The following KIAA0319 variants were observed in gnomAD, a reference collection of about 807,000 sequenced individuals.
KIAA0319 encodes dyslexia-associated protein KIAA0319.
A neutral mutation model predicts 108.4 loss-of-function variants in KIAA0319; 83 were observed. That is an observed-to-expected ratio of 0.77 (90% confidence interval 0.64 to 0.92). The LOEUF (loss-of-function observed/expected upper bound fraction) is 0.92. KIAA0319 is among the 40% of genes least tolerant of loss of function. KIAA0319 has a pLI of 0.00. For missense variants in KIAA0319, 1,195 were observed against 1,322.4 expected (o/e 0.90, Z 1.49); for synonymous variants, 484 against 510.4 (o/e 0.95, Z 0.70).
At chr6:24,639,370 T>C (rs184999659) in intron 1 of KIAA0319, among the ~76,000 whole-genome samples, 17 of 152,132 alleles carry the variant, frequency 1.1e-4, no homozygotes, top group Non-Finnish European at 1.9e-4. Context: ...GGAAATAAAA[T>C]CTAGAAAGTA....
At chr6:24,605,877 T>C (rs1771328472) in intron 1 of KIAA0319, among the ~76,000 whole-genome samples, 1 of 152,228 alleles carries the variant, frequency 6.6e-6, no homozygotes, top group Non-Finnish European at 1.5e-5. Context: ...GACAGTTATT[T>C]TAACATGGTC....
intron 10 of KIAA0319, among the ~76,000 whole-genome samples, chr6:24,575,065 C>T (rs1391446203): frequency 6.6e-6 from 1 of 152,264 alleles, no homozygotes; most frequent in African/African-American, 2.4e-5. Flanking sequence ...CCTCAGCAGG[C>T]TGCTTGGTAC....
At position 24,568,790 on chromosome 6, in the gene KIAA0319, C is replaced by G; in HGVS notation, c.2131G>C (p.Val711Leu). 6.2e-7 allele frequency: 1 copy of G among 1,613,982 alleles called. No homozygotes were observed. The highest frequency in any genetic ancestry group is 8.5e-7 in the Non-Finnish European group (1 of 1,179,964). Residue 711 changes from valine (V) to leucine (L), a missense_variant, in exon 13 of 21, where the codon GTG becomes CTG. Transcript: ENST00000378214. ...LSSTSTLTVA[V>L]KKENNSPPRA... Reference sequence around the variant, plus strand: ...CCTCAGACCCACTCACCCTTCTTCACAGCCACAGTGAGGGTGGACGTGCTG... The same window carrying G: ...CCTCAGACCCACTCACCCTTCTTCAGAGCCACAGTGAGGGTGGACGTGCTG...
At chr6:24,547,975 G>A (rs915313641) in intron 20 of KIAA0319, among the ~76,000 whole-genome samples, 2 of 152,112 alleles carry the variant, frequency 1.3e-5, no homozygotes, top group Non-Finnish European at 2.9e-5. Flanking sequence ...CGAGGGTACA[G>A]TGAACTATGA....
intron 20 of KIAA0319, among the ~76,000 whole-genome samples, chr6:24,547,864 T>C (rs892728204): frequency 5.3e-5 from 8 of 152,184 alleles, no homozygotes; most frequent in African/African-American, 1.4e-4. Context: ...GGTGTCTAGC[T>C]AGGGGTTTAA....
rs1766589602 is a variant in KIAA0319, at chr6:24,581,801, A to G, written c.1191+448T>C. Among the ~76,000 whole-genome samples the G allele has an allele frequency of 2.0e-5, 3 of 152,340 alleles. No homozygotes were observed. The South Asian group carries it at 6.2e-4, about 32-fold the overall frequency. The stretch of plus-strand genomic sequence containing the variant: ...CTTAACCATCTGCCTGCCTACTTGC[A>G]TGCCTGAAACTTTATTCATTCATAT... On this transcript the variant is annotated intron_variant, in intron 6 of 20. Coordinates refer to ENST00000378214, the MANE Select transcript of KIAA0319 (RefSeq NM_014809.4).
chr6:24,581,995 A>C lies in KIAA0319; in HGVS notation c.1191+254T>G, dbSNP rs538001187. On this transcript the variant is annotated intron_variant, in intron 6 of 20. Coordinates refer to ENST00000378214, the MANE Select transcript of KIAA0319 (RefSeq NM_014809.4). ...CCCACCTCTACAAAAAATACAAAAA[A>C]ATTAGCCGGGTGTGGTGACGTGCAC... Among the ~76,000 whole-genome samples the C allele has an allele frequency of 2.0e-5, 3 of 152,242 alleles. No homozygotes were observed. The East Asian group carries it at 5.8e-4, about 29-fold the overall frequency.
rs146208237 is a variant in KIAA0319, at chr6:24,607,887, A to G, written c.-105-6679T>C. Among the ~76,000 whole-genome samples, 123 of 152,352 alleles carry G rather than the reference A, an allele frequency of 8.1e-4. 1 individual carries two copies. The highest frequency in any genetic ancestry group is 2.2e-3 in the African/African-American group (93 of 41,582). On this transcript the variant is annotated intron_variant, in intron 1 of 20. Transcript: ENST00000378214. ...TTCAAAATTGCTGCTCTCCATGCCA[A>G]ATAACTTTGCAGTCCCCAACTGTGA...
intron 1 of KIAA0319, among the ~76,000 whole-genome samples, chr6:24,640,922 G>A (rs186743009): frequency 4.2e-4 from 64 of 152,138 alleles, no homozygotes; most frequent in African/African-American, 1.3e-3. Flanking sequence ...CCAAACCGCC[G>A]CAATTACAGG....
At position 24,644,795 on chromosome 6, in the gene KIAA0319, G is replaced by A. The variant is rs895455182; in HGVS notation, c.-106+941C>T. Among the ~76,000 whole-genome samples, 4 of 152,056 alleles carry A rather than the reference G, an allele frequency of 2.6e-5. No individual in the cohort carries two copies. In the South Asian group the frequency reaches 8.3e-4, roughly 31 times the overall value. ...TACAAATGCAAATGCATTACAAATG[G>A]TTAATACAAATAAATCAGAGTACTT... On this transcript the variant is annotated intron_variant, in intron 1 of 20. Coordinates refer to ENST00000378214, the MANE Select transcript of KIAA0319 (RefSeq NM_014809.4).
intron 2 of KIAA0319, chr6:24,598,077 C>T: frequency 2.4e-6 from 1 of 409,184 alleles, no homozygotes; most frequent in South Asian, 2.3e-5. Flanking sequence ...CCTTCAGCAG[C>T]CACTCCTACA....
Position 24,599,833 on chromosome 6 carries a change from C to T in KIAA0319, c.55+1216G>A. The T allele has an allele frequency of 2.2e-6, 1 of 447,078 alleles. No individual in the cohort carries two copies. Among genetic ancestry groups the T allele is most frequent in the South Asian group, 1.9e-5 (1 of 51,842 alleles). The allele number at this position is 447,078 out of a possible 1,614,324, so 27.7% of individuals were successfully genotyped here. A position where few individuals can be genotyped will look rare whatever the true frequency, so the allele number is the denominator to read the frequency against. On this transcript the variant is annotated intron_variant, in intron 2 of 20. Transcript: ENST00000378214. The surrounding 1 kb of genome is among the most constrained non-coding windows in gnomAD (Gnocchi z 4.1). ...CCCAGCCTACCCCCTCCTGTGACTG[C>T]CCCAGAGCCTGTGGGGGAGGCCACT...
At chr6:24,570,384 C>A (rs1764542056) in intron 11 of KIAA0319, among the ~76,000 whole-genome samples, 1 of 152,082 alleles carries the variant, frequency 6.6e-6, no homozygotes, top group Admixed American at 6.5e-5. Context: ...GTCAGGAGAT[C>A]AAGACCATCC....
chr6:24,632,311 G>A (rs1186078258), intron 1 of KIAA0319, among the ~76,000 whole-genome samples: 1 of 152,174 alleles, frequency 6.6e-6, no homozygotes, highest in Non-Finnish European at 1.5e-5. Flanking sequence ...ACCGCCAGAG[G>A]TAAGACAAAT....
At chr6:24,631,040 T>C (rs575542111) in intron 1 of KIAA0319, among the ~76,000 whole-genome samples, 1 of 152,366 alleles carries the variant, frequency 6.6e-6, no homozygotes, top group South Asian at 2.1e-4. Context: ...GAACGAGCTG[T>C]ATTTATAGGT....
At position 24,572,655 on chromosome 6, in the gene KIAA0319, C is replaced by A. The variant is rs1415055368; in HGVS notation, c.1778G>T (p.Gly593Val). The A allele has an allele frequency of 6.2e-7, 1 of 1,613,740 alleles. No homozygotes were observed. Among genetic ancestry groups the A allele is most frequent in the Non-Finnish European group, 8.5e-7 (1 of 1,179,834 alleles). ...PYLHLSAMQE[G>V]DYTFQLKVTD... ...CACCTTCAGCTGAAATGTATAATCT[C>A]CTTCCTGCATTGCAGATAAATGAAG... Residue 593 changes from glycine to valine, a missense_variant, in exon 11 of 21, where the codon GGA becomes GTA. Physicochemically the swap from Gly to Val is moderately radical, Grantham distance 109. Transcript: ENST00000378214.
chr6:24,632,087 A>C (rs1167077427), intron 1 of KIAA0319, among the ~76,000 whole-genome samples: 2 of 152,240 alleles, frequency 1.3e-5, no homozygotes, highest in Non-Finnish European at 2.9e-5. Context: ...TTCAGGCATT[A>C]AGTAAATAAT....
chr6:24,554,596 T>G lies in KIAA0319; in HGVS notation c.2893A>C (p.Thr965Pro), dbSNP rs1762034787. 3 of 1,613,766 alleles carry G rather than the reference T, an allele frequency of 1.9e-6. No homozygotes were observed. The highest frequency in any genetic ancestry group is 4.5e-5 in the East Asian group (2 of 44,842). The change falls in exon 19 of 21, where the codon ACT becomes CCT. Residue 965 changes from threonine (T) to proline (P), a missense_variant. Physicochemically the swap from Thr to Pro is conservative, Grantham distance 38. Transcript: ENST00000378214. ...SIFYVTVLAF[T>P]LIVLTGGFTW... The stretch of plus-strand genomic sequence containing the variant: ...AAACCTCCTGTTAGCACAATAAGAG[T>G]AAAAGCCAACACTGTCACATAGAAT...
At chr6:24,641,716 G>C (rs948283948) in intron 1 of KIAA0319, among the ~76,000 whole-genome samples, 3 of 152,024 alleles carry the variant, frequency 2.0e-5, no homozygotes, top group Non-Finnish European at 4.4e-5. Flanking sequence ...GAGAGAGATG[G>C]TAAAAACAGT....
Sources: allele counts gnomAD v4.1 joint callset (sites outside exome capture counted in the v4.1 genomes callset), GRCh38; gene constraint gnomAD v4.1.1; non-coding constraint Gnocchi (gnomAD v3.1); transcripts MANE v1.5; gene names NCBI Gene and HGNC (gene_info 2026-07-23, HGNC 2026-07-21).